TTLL5: variants seen among roughly 807,000 people sequenced by gnomAD.
The protein encoded by TTLL5 is tubulin polyglutamylase TTLL5.
TTLL5 carries 132 observed loss-of-function variants against 168.4 expected under a neutral mutation model. That is an observed-to-expected ratio of 0.78 (90% CI 0.68 to 0.91). TTLL5 has a LOEUF of 0.91. TTLL5 is among the 40% of genes least tolerant of loss of function. The probability of loss-of-function intolerance (pLI) is 0.00; values close to 1 mark genes in which losing one functional copy is unlikely to be tolerated. For synonymous variants in TTLL5, 546 were observed against 558.6 expected (o/e 0.98, Z 0.32); for missense variants, 1,545 against 1,581.5 (o/e 0.98, Z 0.39).
chr14:75,827,145 G>T (rs371287287), intron 28 of TTLL5, among the ~76,000 whole-genome samples: 1 of 152,148 alleles, frequency 6.6e-6, no homozygotes, highest in Non-Finnish European at 1.5e-5. Context: ...CAAAGTTTTG[G>T]TATAGGCTCT....
At chr14:75,847,302 T>C (rs1896599746) in intron 28 of TTLL5, among the ~76,000 whole-genome samples, 1 of 151,994 alleles carries the variant, frequency 6.6e-6, no homozygotes, top group African/African-American at 2.4e-5. Context: ...CGCATCTGGC[T>C]GTATTTCTTT....
At chr14:75,939,312 A>G (rs1382825801) in intron 31 of TTLL5, among the ~76,000 whole-genome samples, 3 of 152,240 alleles carry the variant, frequency 2.0e-5, no homozygotes, top group Non-Finnish European at 2.9e-5. Context: ...TGTGAGATGT[A>G]CTTTTTACTA....
intron 17 of TTLL5, among the ~76,000 whole-genome samples, chr14:75,752,033 CTG>C (rs1293696326): frequency 6.6e-6 from 1 of 152,146 alleles, no homozygotes; most frequent in Non-Finnish European, 1.5e-5. Flanking sequence ...CATTTGTAAA[CTG>C]TCGTGGTGCT....
chr14:75,662,698 C>G (rs1044753881), intron 1 of TTLL5, among the ~76,000 whole-genome samples: 2 of 152,174 alleles, frequency 1.3e-5, no homozygotes, highest in East Asian at 1.9e-4. Context: ...CCAGGTTTGT[C>G]TAGCAAGGAA....
intron 27 of TTLL5, chr14:75,814,589 TA>T (rs1248540611): frequency 6.6e-6 from 1 of 152,232 alleles, no homozygotes; most frequent in Non-Finnish European, 1.5e-5. Flanking sequence ...AAGGCAGTTC[TA>T]AAGCCAGAAT....
intron 31 of TTLL5, among the ~76,000 whole-genome samples, chr14:75,905,831 C>T (rs1224021051): frequency 6.6e-6 from 1 of 152,174 alleles, no homozygotes; most frequent in Non-Finnish European, 1.5e-5. Flanking sequence ...CATCCCTGCC[C>T]CTTAGCTTCT....
intron 27 of TTLL5, among the ~76,000 whole-genome samples, chr14:75,807,088 A>G (rs1893701102): frequency 6.6e-6 from 1 of 152,200 alleles, no homozygotes; most frequent in Non-Finnish European, 1.5e-5. Context: ...CTTGGCAGTC[A>G]TCACATGCTT....
chr14:75,954,177 C>T (rs891657938), intron 31 of TTLL5, among the ~76,000 whole-genome samples: 10 of 149,642 alleles, frequency 6.7e-5, no homozygotes, highest in Non-Finnish European at 1.5e-4. Flanking sequence ...GGTGTGAACC[C>T]GGGAGGCGGA....
chr14:75,766,843 T>C (rs1393141039), intron 20 of TTLL5, among the ~76,000 whole-genome samples: 1 of 152,000 alleles, frequency 6.6e-6, no homozygotes, highest in Non-Finnish European at 1.5e-5. Flanking sequence ...GATGGTTAAA[T>C]GTGGGAGTGC....
At chr14:75,950,544 C>T (rs1415235749) in intron 31 of TTLL5, among the ~76,000 whole-genome samples, 1 of 152,128 alleles carries the variant, frequency 6.6e-6, no homozygotes, top group Non-Finnish European at 1.5e-5. Flanking sequence ...TGAAAATACT[C>T]CAGGAAACAA....
chr14:75,896,328 C>A (rs2032660484), intron 30 of TTLL5, among the ~76,000 whole-genome samples: 1 of 151,930 alleles, frequency 6.6e-6, no homozygotes, highest in Non-Finnish European at 1.5e-5. Flanking sequence ...TGTTTTGTTT[C>A]TTTTTTCTTG....
chr14:75,682,782 T>G (rs1884723320), intron 4 of TTLL5, among the ~76,000 whole-genome samples: 2 of 151,882 alleles, frequency 1.3e-5, no homozygotes, highest in South Asian at 4.2e-4. Flanking sequence ...TTTTTTATTT[T>G]TAGAGATGGA....
chr14:75,770,737 G>A (rs1891255322), intron 20 of TTLL5, among the ~76,000 whole-genome samples: 1 of 152,180 alleles, frequency 6.6e-6, no homozygotes, highest in Non-Finnish European at 1.5e-5. Flanking sequence ...CTTTAATGAT[G>A]TTGCTAAGGT....
intron 31 of TTLL5, among the ~76,000 whole-genome samples, chr14:75,917,548 A>AG (rs1298525181): frequency 6.6e-6 from 1 of 152,174 alleles, no homozygotes; most frequent in Non-Finnish European, 1.5e-5. Flanking sequence ...GCCTGGCAGT[A>AG]GGGGGGCATG....
intron 15 of TTLL5, among the ~76,000 whole-genome samples, chr14:75,735,855 T>C (rs1019429817): frequency 6.6e-6 from 1 of 152,216 alleles, no homozygotes; most frequent in African/African-American, 2.4e-5. Context: ...GTTAAACCAA[T>C]CAGCTGATCC....
intron 28 of TTLL5, among the ~76,000 whole-genome samples, chr14:75,856,322 C>T (rs955288690): frequency 1.3e-5 from 2 of 152,166 alleles, no homozygotes; most frequent in Non-Finnish European, 2.9e-5. Flanking sequence ...AAGATCATGC[C>T]ACTGTGCTCC....
intron 28 of TTLL5, among the ~76,000 whole-genome samples, chr14:75,832,407 A>G (rs1239658565): frequency 6.6e-6 from 1 of 152,036 alleles, no homozygotes; most frequent in Non-Finnish European, 1.5e-5. Context: ...AGTTTAGTGT[A>G]TGTTCTTTTG....
intron 29 of TTLL5, among the ~76,000 whole-genome samples, chr14:75,878,072 T>A (rs1005597191): frequency 6.6e-6 from 1 of 152,186 alleles, no homozygotes; most frequent in African/African-American, 2.4e-5. Flanking sequence ...TGTATTACAG[T>A]ATAATCACCA....
At chr14:75,773,823 G>C (rs1378825799) in intron 21 of TTLL5, among the ~76,000 whole-genome samples, 2 of 149,446 alleles carry the variant, frequency 1.3e-5, no homozygotes. Flanking sequence ...CTGGCAGGCG[G>C]AGGTTGCAGT....
Sources: allele counts gnomAD v4.1 joint callset (sites outside exome capture counted in the v4.1 genomes callset), GRCh38; gene constraint gnomAD v4.1.1; transcripts MANE v1.5; gene names NCBI Gene and HGNC (gene_info 2026-07-23, HGNC 2026-07-21).